AXDND1: variants seen among roughly 807,000 people sequenced by gnomAD.
AXDND1 encodes the protein axonemal dynein light chain domain-containing protein 1.
A neutral mutation model predicts 137.5 loss-of-function variants in AXDND1; 110 were observed. The ratio of observed to expected loss-of-function variants is 0.80; its 90% CI spans 0.69 to 0.94. The LOEUF is 0.94. AXDND1 is among the 40% of genes least tolerant of loss of function. The pLI, the probability that AXDND1 is intolerant of heterozygous loss-of-function variation, is 0.00. For synonymous variants in AXDND1, 414 were observed against 399.7 expected, an observed-to-expected ratio of 1.04 and a Z score of -0.43; for missense variants, 1,191 against 1,169.8, an observed-to-expected ratio of 1.02 and a Z score of -0.26.
At chr1:179,412,755 G>A (rs1654085378) in intron 12 of AXDND1, among the ~76,000 whole-genome samples, 1 of 152,126 alleles carries the variant, frequency 6.6e-6, no homozygotes, top group Admixed American at 6.6e-5. Flanking sequence ...CTACTTATAG[G>A]AAGCAGCAAA....
chr1:179,375,346 C>A lies in AXDND1; in HGVS notation c.375-3291C>A, dbSNP rs4322198. The stretch of plus-strand genomic sequence containing the variant: ...TTTGAACACTTGACCTCAGGTGATC[C>A]GCCCATCTTGGCCCCCTAAAATACT... On this transcript the variant is annotated intron_variant, in intron 4 of 25. Coordinates refer to ENST00000367618, the MANE Select transcript of AXDND1 (RefSeq NM_144696.6). Among the ~76,000 whole-genome samples the A allele has an allele frequency of 7.9e-5, 12 of 151,790 alleles. No individual in the cohort carries two copies. The East Asian group carries it at 2.1e-3, about 27-fold the overall frequency.
At chr1:179,538,111 C>T (rs1671743008) in intron 25 of AXDND1, among the ~76,000 whole-genome samples, 1 of 152,038 alleles carries the variant, frequency 6.6e-6, no homozygotes. Flanking sequence ...TGCTAGCGGT[C>T]TATCTATTTT....
intron 11 of AXDND1, 121 bp from the exon 12 acceptor site, chr1:179,411,025 C>T: frequency 5.5e-6 from 4 of 728,866 alleles, no homozygotes; most frequent in Non-Finnish European, 6.3e-6. Context: ...CCATAATTAC[C>T]TTATGATGAG....
intron 12 of AXDND1, among the ~76,000 whole-genome samples, chr1:179,418,609 G>T (rs1320207659): frequency 6.6e-6 from 1 of 150,828 alleles, no homozygotes; most frequent in Non-Finnish European, 1.5e-5. Context: ...GCGGCTGGCC[G>T]GGCGGGGGGC....
intron 8 of AXDND1, among the ~76,000 whole-genome samples, chr1:179,384,629 G>A (rs1297620107): frequency 6.6e-6 from 1 of 152,090 alleles, no homozygotes; most frequent in Non-Finnish European, 1.5e-5. Flanking sequence ...ACACAAGCCA[G>A]TTACTCTGTA....
At chr1:179,537,551 T>C (rs1204021346) in intron 25 of AXDND1, among the ~76,000 whole-genome samples, 1 of 152,188 alleles carries the variant, frequency 6.6e-6, no homozygotes, top group Admixed American at 6.5e-5. Context: ...GCCGACTTGA[T>C]TGTGGTAGAT....
intron 11 of AXDND1, among the ~76,000 whole-genome samples, chr1:179,401,824 GC>G (rs1421683509): frequency 6.6e-6 from 1 of 151,994 alleles, no homozygotes; most frequent in Non-Finnish European, 1.5e-5. Flanking sequence ...TGATTGTGAG[GC>G]CTCCCCAGCC....
chr1:179,535,013 A>C, intron 25 of AXDND1, 51 bp downstream of exon 25: 1 of 1,605,358 alleles, frequency 6.2e-7, no homozygotes, highest in Non-Finnish European at 8.5e-7. Flanking sequence ...TATGAAAGAA[A>C]ATTTGACTGG....
intron 15 of AXDND1, among the ~76,000 whole-genome samples, chr1:179,437,057 G>A (rs4360482): frequency 9.9e-5 from 14 of 141,866 alleles, no homozygotes; most frequent in South Asian, 2.2e-4. Context: ...ATCTATAAAA[G>A]AGACACTCAC....
At chr1:179,415,585 A>G (rs960042791) in intron 12 of AXDND1, among the ~76,000 whole-genome samples, 6 of 152,144 alleles carry the variant, frequency 3.9e-5, no homozygotes, top group African/African-American at 1.2e-4. Flanking sequence ...ACCACAACCA[A>G]TCTGAAAACT....
intron 20 of AXDND1, among the ~76,000 whole-genome samples, chr1:179,506,231 T>C (rs1668526540): frequency 6.6e-6 from 1 of 152,076 alleles, no homozygotes; most frequent in African/African-American, 2.4e-5. Flanking sequence ...TGAAGAATAG[T>C]CATAATCTGA....
intron 18 of AXDND1, among the ~76,000 whole-genome samples, chr1:179,487,721 C>T (rs974897144): frequency 6.7e-6 from 1 of 148,328 alleles, no homozygotes; most frequent in Non-Finnish European, 1.5e-5. Context: ...TCAGGCCAGG[C>T]GTGATGGCTC....
intron 25 of AXDND1, chr1:179,551,765 C>T: frequency 2.8e-6 from 1 of 358,392 alleles, no homozygotes; most frequent in Non-Finnish European, 5.2e-6. Context: ...GCCAGCATTC[C>T]ATGCAAAGGC....
Position 179,370,007 on chromosome 1 carries a change from G to T in AXDND1, c.303G>T (p.Trp101Cys). 6.2e-7 allele frequency: 1 copy of T among 1,613,938 alleles called. No individual in the cohort carries two copies. The highest frequency in any genetic ancestry group is 1.7e-5 in the Admixed American group (1 of 59,990). ...GTLPRLVDHV[W>C]HHPVRRNKFK... ...TTCCACGCCTTGTAGACCATGTCTG[G>T]CATCACCCTGTTCGAAGGAATAAAT... is the stretch of plus-strand genomic sequence containing the variant. The change falls in exon 4 of 26, where the codon TGG (tryptophan) becomes TGT (cysteine). Residue 101 changes from tryptophan (W) to cysteine (C), a missense_variant. Coordinates refer to ENST00000367618, the MANE Select transcript of AXDND1 (RefSeq NM_144696.6).
At position 179,540,340 on chromosome 1, in the gene AXDND1, T is replaced by G. The variant is rs554345238; in HGVS notation, c.3031+5378T>G. Among the ~76,000 whole-genome samples the G allele has an allele frequency of 3.3e-5, 5 of 152,336 alleles. No homozygotes were observed. The South Asian group carries it at 1.0e-3, about 32-fold the overall frequency. ...CCCCATCTTTGTGGTTTTATCTACATTTTGTCTTTGATGTTGGTGACCTAT... is the reference window on the plus strand; with the variant it reads ...CCCCATCTTTGTGGTTTTATCTACAGTTTGTCTTTGATGTTGGTGACCTAT... On this transcript the variant is annotated intron_variant, in intron 25 of 25. Transcript: ENST00000367618.
At position 179,370,010 on chromosome 1, in the gene AXDND1, T is replaced by C. The variant is rs1667881867; in HGVS notation, c.306T>C (p.His102=). Residue 102 remains histidine, a synonymous_variant, in exon 4 of 26, where the codon CAT becomes CAC. Coordinates refer to ENST00000367618, the MANE Select transcript of AXDND1 (RefSeq NM_144696.6). ...TLPRLVDHVW[H]HPVRRNKFKY... ...CACGCCTTGTAGACCATGTCTGGCA[T>C]CACCCTGTTCGAAGGAATAAATTCA... is the stretch of plus-strand genomic sequence containing the variant. 50 of 1,614,116 alleles carry C rather than the reference T, an allele frequency of 3.1e-5. No homozygotes were observed. The highest frequency in any genetic ancestry group is 4.2e-5 in the Non-Finnish European group (49 of 1,179,996).
In AXDND1 at chr1:179,409,363, G is replaced by T. The variant is rs191569037; in HGVS notation, c.1110-1783G>T. 7.0e-3 allele frequency among the ~76,000 whole-genome samples: 1,068 copies of T among 152,144 alleles called. 12 individuals carry two copies. The highest frequency in any genetic ancestry group is 8.7e-3 in the Non-Finnish European group (590 of 67,998). On this transcript the variant is annotated intron_variant, in intron 11 of 25. Coordinates refer to ENST00000367618, the MANE Select transcript of AXDND1 (RefSeq NM_144696.6). ...GAGTTTTTTGGTGCCACTTTTAGGG[G>T]TTTTTTAAAAAAATATGTAAGATCT...
chr1:179,473,695 G>T (rs1385170016), intron 17 of AXDND1, among the ~76,000 whole-genome samples: 1 of 152,082 alleles, frequency 6.6e-6, no homozygotes, highest in Non-Finnish European at 1.5e-5. Flanking sequence ...CATGTCAATG[G>T]AGGAAGGTGA....
chr1:179,375,011 A>T (rs999068147), intron 4 of AXDND1, among the ~76,000 whole-genome samples: 2 of 151,902 alleles, frequency 1.3e-5, no homozygotes, highest in Admixed American at 6.6e-5. Flanking sequence ...AATTATTTTT[A>T]AAAATTAAAA....
Sources: gnomAD v4.1 joint callset for allele counts (sites outside exome capture counted in the v4.1 genomes callset) on GRCh38, gnomAD v4.1.1 for gene constraint, MANE v1.5 for transcripts, NCBI Gene and HGNC (gene_info 2026-07-23, HGNC 2026-07-21) for gene names.